MGMT: variants seen among roughly 807,000 people sequenced by gnomAD.
MGMT encodes the protein O-6-methylguanine-DNA methyltransferase, also known as methylated-DNA--protein-cysteine methyltransferase.
Under a neutral mutation model 15.9 loss-of-function variants are expected in MGMT, and 14 were observed. The observed-to-expected ratio is 0.88, with a 90% confidence interval of 0.58 to 1.37. The LOEUF is 1.37. Ranked by LOEUF, MGMT falls within the 40% of genes most tolerant of loss-of-function variation. The probability of loss-of-function intolerance (pLI) is 0.00; values close to 1 mark genes in which losing one functional copy is unlikely to be tolerated. For missense variants in MGMT, 282 were observed against 268.1 expected, an observed-to-expected ratio of 1.05 and a Z score of -0.36; for synonymous variants, 130 against 118.2, an observed-to-expected ratio of 1.10 and a Z score of -0.65.
intron 3 of MGMT, among the ~76,000 whole-genome samples, chr10:129,708,433 T>G (rs965046161): frequency 6.6e-5 from 10 of 152,182 alleles, no homozygotes; most frequent in African/African-American, 2.4e-4. Flanking sequence ...TTTAGCTATT[T>G]CCATACACTC....
intron 4 of MGMT, among the ~76,000 whole-genome samples, chr10:129,760,728 T>G (rs1234157348): frequency 1.3e-5 from 2 of 152,186 alleles, no homozygotes; most frequent in Non-Finnish European, 2.9e-5. Flanking sequence ...ATTGTCGTAA[T>G]GTACACCCTA....
At chr10:129,763,452 G>A (rs1848898024) in intron 4 of MGMT, among the ~76,000 whole-genome samples, 1 of 152,180 alleles carries the variant, frequency 6.6e-6, no homozygotes, top group African/African-American at 2.4e-5. Context: ...CTAAGGTGAG[G>A]ACCGGTCACA....
At chr10:129,688,940 A>G (rs1032776827) in intron 2 of MGMT, among the ~76,000 whole-genome samples, 1 of 150,446 alleles carries the variant, frequency 6.6e-6, no homozygotes, top group Non-Finnish European at 1.5e-5. Context: ...TTTTTTTTTT[A>G]GAAAATGTGT....
At chr10:129,723,348 C>T (rs890208530) in intron 3 of MGMT, among the ~76,000 whole-genome samples, 17 of 152,064 alleles carry the variant, frequency 1.1e-4, no homozygotes, top group African/African-American at 3.9e-4. Flanking sequence ...GCTTAGCTCC[C>T]GTGGATAACC....
chr10:129,569,243 C>T (rs900874413), intron 2 of MGMT, among the ~76,000 whole-genome samples: 11 of 151,942 alleles, frequency 7.2e-5, no homozygotes, highest in South Asian at 4.2e-4. Flanking sequence ...GGCCCGGCTC[C>T]GGCGCACAGA....
chr10:129,770,301 G>A lies in MGMT; in HGVS notation c.*3304G>A, dbSNP rs1045873274. Among the ~76,000 whole-genome samples, 2 of 152,236 alleles carry A rather than the reference G, an allele frequency of 1.3e-5. No individual in the cohort carries two copies. Among genetic ancestry groups the A allele is most frequent in the African/African-American group, 2.4e-5 (1 of 41,456 alleles). ...CCATCCACCTGAATTGCTGAGAAAC[G>A]TAAGAGGTGGTGTGACCCGCTGGAG... On this transcript the variant is annotated 3_prime_UTR_variant, in exon 5 of 5. Transcript: ENST00000651593.
At position 129,770,875 on chromosome 10, in the gene MGMT, G is replaced by T. The variant is rs535337771; in HGVS notation, c.*3878G>T. Among the ~76,000 whole-genome samples, 1 of 42,428 alleles carries T rather than the reference G, an allele frequency of 2.4e-5. No individual in the cohort carries two copies. Among genetic ancestry groups the T allele is most frequent in the South Asian group, 9.3e-4 (1 of 1,080 alleles). 27.8% of individuals were successfully genotyped at this position (42,428 alleles called of 152,430 possible). On this transcript the variant is annotated 3_prime_UTR_variant, in exon 5 of 5. Transcript: ENST00000651593. ...CCCGGAAACAGTCCAAGGCCCTGGG[G>T]TGGGGGATTTAAATTTTTGGCTTCC...
chr10:129,623,471 G>A (rs1027090592), intron 2 of MGMT, among the ~76,000 whole-genome samples: 3 of 152,092 alleles, frequency 2.0e-5, no homozygotes, highest in Admixed American at 6.5e-5. Context: ...AGATCAGCCC[G>A]TGCCTGGCAT....
chr10:129,718,578 A>C (rs1848328569), intron 3 of MGMT, among the ~76,000 whole-genome samples: 1 of 152,100 alleles, frequency 6.6e-6, no homozygotes, highest in African/African-American at 2.4e-5. Context: ...ACTTCTCTTC[A>C]TGGGTCTTCC....
Position 129,664,130 on chromosome 10 carries a change from T to A in MGMT, c.126-43765T>A, listed in dbSNP as rs564571620. On this transcript the variant is annotated intron_variant, in intron 2 of 4. Transcript: ENST00000651593. ...TACCTCAACAAATATAACCTTTCTA[T>A]GCCCAGGAATGCAAGGGTAGTTTGG... Among the ~76,000 whole-genome samples the A allele has an allele frequency of 2.3e-4, 35 of 152,304 alleles. No individual in the cohort carries two copies. The South Asian group carries it at 7.0e-3, about 31-fold the overall frequency.
intron 1 of MGMT, among the ~76,000 whole-genome samples, chr10:129,480,944 C>T (rs913120924): frequency 6.6e-6 from 1 of 152,242 alleles, no homozygotes; most frequent in Non-Finnish European, 1.5e-5. Flanking sequence ...CTGGTGGCAG[C>T]GTCATTCTGG....
At chr10:129,689,716 T>C (rs935483214) in intron 2 of MGMT, among the ~76,000 whole-genome samples, 6 of 152,220 alleles carry the variant, frequency 3.9e-5, no homozygotes, top group African/African-American at 1.4e-4. Context: ...GAGAAGATTC[T>C]TGGCTTAACT....
At chr10:129,739,704 T>G (rs188149206) in intron 3 of MGMT, among the ~76,000 whole-genome samples, 1 of 152,364 alleles carries the variant, frequency 6.6e-6, no homozygotes, top group Admixed American at 6.5e-5. Context: ...GCGAGCCACC[T>G]GCAGCCCAGG....
intron 1 of MGMT, among the ~76,000 whole-genome samples, chr10:129,496,503 T>C (rs546141873): frequency 6.6e-6 from 1 of 152,304 alleles, no homozygotes; most frequent in South Asian, 2.1e-4. Flanking sequence ...CTGGCTTCCA[T>C]ATAAAAATGT....
chr10:129,491,750 A>G (rs1845470801), intron 1 of MGMT, among the ~76,000 whole-genome samples: 1 of 151,934 alleles, frequency 6.6e-6, no homozygotes, highest in Admixed American at 6.6e-5. Context: ...CTGAATTACA[A>G]ATTTTGTATT....
Position 129,599,804 on chromosome 10 carries a change from C to T in MGMT, c.125+63427C>T, listed in dbSNP as rs368952399. 1.9e-4 allele frequency among the ~76,000 whole-genome samples: 29 copies of T among 152,278 alleles called. 1 individual carries two copies. In the South Asian group the frequency reaches 5.0e-3, roughly 26 times the overall value. ...ATACTGTTTGTCATGAAAACTCAGACCATTCCCATTTTACCATCCTTTCTT... is the reference window on the plus strand; with the variant it reads ...ATACTGTTTGTCATGAAAACTCAGATCATTCCCATTTTACCATCCTTTCTT... On this transcript the variant is annotated intron_variant, in intron 2 of 4. Transcript: ENST00000651593.
intron 2 of MGMT, among the ~76,000 whole-genome samples, chr10:129,604,184 T>G (rs1418953357): frequency 1.3e-5 from 2 of 152,124 alleles, no homozygotes; most frequent in Non-Finnish European, 2.9e-5. Context: ...ACCAAAGCAC[T>G]CTCTACGACG....
At chr10:129,594,991 G>A (rs148485701) in intron 2 of MGMT, among the ~76,000 whole-genome samples, 43 of 152,268 alleles carry the variant, frequency 2.8e-4, no homozygotes, top group Non-Finnish European at 4.1e-4. Context: ...CCGGAGCAGC[G>A]CCCCACGTCT....
chr10:129,729,626 G>C (rs1848473711), intron 3 of MGMT, among the ~76,000 whole-genome samples: 1 of 152,212 alleles, frequency 6.6e-6, no homozygotes, highest in African/African-American at 2.4e-5. Context: ...TCATTTCTCT[G>C]CAGAGAAATT....
Sources: allele counts gnomAD v4.1 joint callset (sites outside exome capture counted in the v4.1 genomes callset), GRCh38; gene constraint gnomAD v4.1.1; transcripts MANE v1.5; gene names NCBI Gene and HGNC (gene_info 2026-07-23, HGNC 2026-07-21).